The following GTF2A1 variants were observed in gnomAD, a reference collection of about 807,000 sequenced individuals.
GTF2A1 encodes transcription initiation factor IIA subunit 1.
Under a neutral mutation model 54.1 loss-of-function variants are expected in GTF2A1, and 12 were observed. That is an observed-to-expected ratio of 0.22 (90% confidence interval 0.14 to 0.36). GTF2A1 has a LOEUF of 0.36. Among genes scored for constraint, GTF2A1 ranks in the 10% least tolerant of loss-of-function variants. GTF2A1 has a pLI of 1.00. For missense variants in GTF2A1, 335 were observed against 442.2 expected (o/e 0.76, Z 2.17); for synonymous variants, 145 against 152.0 (o/e 0.95, Z 0.34).
At chr14:81,199,968 G>T (rs1016359053) in intron 4 of GTF2A1, among the ~76,000 whole-genome samples, 2 of 150,480 alleles carry the variant, frequency 1.3e-5, no homozygotes, top group Non-Finnish European at 3.0e-5. Flanking sequence ...AAGGGTGGAG[G>T]TTAAAAAAAA....
Position 81,175,534 on chromosome 14 carries a change from G to A in GTF2A1, c.*4689C>T, listed in dbSNP as rs1196206043. 2.0e-5 allele frequency: 3 copies of A among 152,024 alleles called. No homozygotes were observed. Among genetic ancestry groups the A allele is most frequent in the Non-Finnish European group, 4.4e-5 (3 of 67,996 alleles). The allele number at this position is 152,024 out of a possible 1,614,324, so 9.4% of individuals were successfully genotyped here. A position where few individuals can be genotyped will look rare whatever the true frequency, so the allele number is the denominator to read the frequency against. ...ATGTTTTCTAGATAGTCTGTTAACA[G>A]GATAAAAAAATACAAAAAGGCGAGC... is the stretch of plus-strand genomic sequence containing the variant. On this transcript the variant is annotated 3_prime_UTR_variant, in exon 9 of 9. Transcript: ENST00000553612.
At chr14:81,207,791 A>T (rs1893273741) in intron 2 of GTF2A1, among the ~76,000 whole-genome samples, 1 of 152,250 alleles carries the variant, frequency 6.6e-6, no homozygotes, top group Non-Finnish European at 1.5e-5. Context: ...GACCCTTGTT[A>T]TGTGTTAGCA....
At position 81,176,230 on chromosome 14, in the gene GTF2A1, T is replaced by C. The variant is rs1892525243; in HGVS notation, c.*3993A>G. On this transcript the variant is annotated 3_prime_UTR_variant, in exon 9 of 9. Transcript: ENST00000553612. Reference sequence around the variant, plus strand: ...CTTAGTACATCAAAATACTAAGTTCTCTAATTGTATTCCAAGATGGTCTTT... The same window carrying C: ...CTTAGTACATCAAAATACTAAGTTCCCTAATTGTATTCCAAGATGGTCTTT... 1 of 152,182 alleles carries C rather than the reference T, an allele frequency of 6.6e-6. No individual in the cohort carries two copies. The highest frequency in any genetic ancestry group is 1.5e-5 in the Non-Finnish European group (1 of 68,008). 9.4% of individuals were successfully genotyped at this position (152,182 alleles called of 1,614,324 possible).
chr14:81,185,948 C>A (rs1011570968), intron 7 of GTF2A1, among the ~76,000 whole-genome samples: 3 of 152,164 alleles, frequency 2.0e-5, no homozygotes, highest in African/African-American at 7.2e-5. Flanking sequence ...TGCCTCCCGG[C>A]TTCGAGCAAT....
chr14:81,198,088 T>C (rs886948182), intron 4 of GTF2A1, among the ~76,000 whole-genome samples: 2 of 152,186 alleles, frequency 1.3e-5, no homozygotes, highest in Non-Finnish European at 2.9e-5. Context: ...AGGGACATAC[T>C]GGCATTATAT....
At chr14:81,195,690 C>T (rs191481763) in intron 6 of GTF2A1, among the ~76,000 whole-genome samples, 1 of 151,002 alleles carries the variant, frequency 6.6e-6, no homozygotes, top group Non-Finnish European at 1.5e-5. Flanking sequence ...GGCTTGATAC[C>T]TTGGGTATTA....
At chr14:81,198,998 A>T (rs1858385923) in intron 4 of GTF2A1, among the ~76,000 whole-genome samples, 1 of 152,186 alleles carries the variant, frequency 6.6e-6, no homozygotes, top group Admixed American at 6.5e-5. Flanking sequence ...GGTGATTCGT[A>T]TTTAAGTTGG....
intron 4 of GTF2A1, among the ~76,000 whole-genome samples, chr14:81,200,764 G>A (rs970360051): frequency 1.3e-5 from 2 of 151,494 alleles, no homozygotes; most frequent in African/African-American, 2.4e-5. Context: ...AGAATGAAAT[G>A]TAAGAGCTGA....
Position 81,219,567 on chromosome 14 carries a change from A to C in GTF2A1, c.30+922T>G, listed in dbSNP as rs528280003. Among the ~76,000 whole-genome samples, 4 of 152,342 alleles carry C rather than the reference A, an allele frequency of 2.6e-5. No homozygotes were observed. In the East Asian group the frequency reaches 7.7e-4, roughly 29 times the overall value. On this transcript the variant is annotated intron_variant, in intron 1 of 8. Coordinates refer to ENST00000553612, the MANE Select transcript of GTF2A1 (RefSeq NM_015859.4). ...CCATGATGGTTAGACCCGAGTCGCC[A>C]ACGGTACGGTGTCGGGCGGCCGCGG...
Position 81,192,737 on chromosome 14 carries a change from T to C in GTF2A1, c.715A>G (p.Thr239Ala), listed in dbSNP as rs757566499. ...TGGGCTGGTGTAGGTGCTGCCACTG[T>C]CGTAGGTATAACTTGAGTCTTATTT... is the stretch of plus-strand genomic sequence containing the variant. ...TGNKTQVIPT[T>A]VAAPTPAQAQ... The change falls in exon 7 of 9, where the codon ACA becomes GCA. Residue 239 changes from threonine (T) to alanine (A), a missense_variant. Transcript: ENST00000553612. The C allele has an allele frequency of 1.2e-6, 2 of 1,613,786 alleles. No individual in the cohort carries two copies. The highest frequency in any genetic ancestry group is 2.2e-5 in the South Asian group (2 of 91,090).
Position 81,220,706 on chromosome 14 carries a change from C to G in GTF2A1, c.-188G>C. The stretch of plus-strand genomic sequence containing the variant: ...AGAGAGGAGGAGGAGGGGGGCACTC[C>G]TCCCGCAGCTGAAAACCTCGAGAAT... On this transcript the variant is annotated 5_prime_UTR_variant, in exon 1 of 9. Transcript: ENST00000553612. The G allele has an allele frequency of 4.9e-6, 2 of 404,276 alleles. No homozygotes were observed. Among genetic ancestry groups the G allele is most frequent in the Non-Finnish European group, 8.7e-6 (2 of 229,788 alleles). 25.0% of individuals were successfully genotyped at this position (404,276 alleles called of 1,614,324 possible). A position where few individuals can be genotyped will look rare whatever the true frequency, so the allele number is the denominator to read the frequency against.
intron 8 of GTF2A1, among the ~76,000 whole-genome samples, chr14:81,184,871 A>C (rs1892709495): frequency 6.6e-6 from 1 of 152,206 alleles, no homozygotes; most frequent in African/African-American, 2.4e-5. Context: ...CAATAAAAAA[A>C]CTGTATTACA....
rs540269903 is a variant in GTF2A1 at position 81,187,181 on chromosome 14, C to T, written c.934-1561G>A. On this transcript the variant is annotated intron_variant, in intron 7 of 8. Transcript: ENST00000553612. ...CATCCTGGCTAACACGGTGAAACCC[C>T]GTCTCTACTAAAAATACAAAAAAAT... 1.3e-4 allele frequency among the ~76,000 whole-genome samples: 20 copies of T among 151,894 alleles called. 1 individual carries two copies. In the South Asian group the frequency reaches 4.0e-3, roughly 30 times the overall value.
At chr14:81,194,139 CAGCA>C (rs1233238145) in intron 6 of GTF2A1, among the ~76,000 whole-genome samples, 8 of 152,310 alleles carry the variant, frequency 5.3e-5, no homozygotes, top group Non-Finnish European at 1.0e-4. Flanking sequence ...GTGGATGAGC[CAGCA>C]TCACCACCTG....
intron 2 of GTF2A1, chr14:81,209,984 T>C (rs1224731986): frequency 3.5e-5 from 29 of 826,214 alleles, no homozygotes; most frequent in East Asian, 3.3e-4. Context: ...TAGAATACTG[T>C]TCCTATATAA....
At chr14:81,182,656 A>G in intron 8 of GTF2A1, among the ~76,000 whole-genome samples, 1 of 152,178 alleles carries the variant, frequency 6.6e-6, no homozygotes. Context: ...TCCTCATATT[A>G]TGCTCTCTAC....
chr14:81,218,921 AT>A (rs560257685), intron 1 of GTF2A1, among the ~76,000 whole-genome samples: 10 of 151,590 alleles, frequency 6.6e-5, no homozygotes, highest in Non-Finnish European at 1.5e-4. Context: ...TGTCTTTTAT[AT>A]TTACTATAGG....
intron 2 of GTF2A1, among the ~76,000 whole-genome samples, chr14:81,210,135 C>T (rs1328096553): frequency 6.6e-6 from 1 of 152,010 alleles, no homozygotes; most frequent in Non-Finnish European, 1.5e-5. Context: ...TGGCCCCACA[C>T]ATTTCCAACA....
intron 1 of GTF2A1, 69 bp downstream of exon 1, chr14:81,220,420 C>T: frequency 2.6e-6 from 3 of 1,146,126 alleles, no homozygotes; most frequent in Non-Finnish European, 3.7e-6. Context: ...GCCGTCCCCG[C>T]CCCCGCCCGG....
Sources: gnomAD v4.1 joint callset for allele counts (sites outside exome capture counted in the v4.1 genomes callset) on GRCh38, gnomAD v4.1.1 for gene constraint, MANE v1.5 for transcripts, NCBI Gene and HGNC (gene_info 2026-07-23, HGNC 2026-07-21) for gene names.